Variants in MSANTD5 observed in about 807,000 individuals in gnomAD.
MSANTD5 encodes the protein uncharacterized protein MSANTD5.
At chr5:178,704,383 T>A in the MSANTD5 span, among the ~76,000 whole-genome samples, 1 of 151,754 alleles carries the variant, frequency 6.6e-6, no homozygotes, top group Admixed American at 6.6e-5. Context: ...CTTACAGGAG[T>A]CCAAAGAGAG....
chr5:178,700,750 TGAG>T (rs1316168757), upstream of MSANTD5, among the ~76,000 whole-genome samples: 4 of 152,188 alleles, frequency 2.6e-5, no homozygotes, highest in Non-Finnish European at 4.4e-5. Context: ...TTGGAGAGGC[TGAG>T]CCTGGAGAGG....
chr5:178,698,624 G>T (rs1436148546), upstream of MSANTD5, among the ~76,000 whole-genome samples: 1 of 152,066 alleles, frequency 6.6e-6, no homozygotes, highest in African/African-American at 2.4e-5. Flanking sequence ...CTGCTGCCCA[G>T]GCTGGGGTGC....
the MSANTD5 span, among the ~76,000 whole-genome samples, chr5:178,705,293 G>T: frequency 6.6e-6 from 1 of 151,884 alleles, no homozygotes; most frequent in Non-Finnish European, 1.5e-5. Context: ...TGATCTGCCC[G>T]CCTCGGTCTC....
chr5:178,696,101 G>A (rs1249510134), exon 2 of MSANTD5: 1 of 152,096 alleles, frequency 6.6e-6, no homozygotes, highest in East Asian at 1.9e-4. Context: ...CTGTACCTGA[G>A]GGCTTTTCTG....
intron 1 of MSANTD5, among the ~76,000 whole-genome samples, chr5:178,697,290 T>TA (rs5873631): frequency 0.13 from 19,583 of 146,692 alleles, 1,725 homozygotes; most frequent in African/African-American, 0.24. Flanking sequence ...CCGTCTCTAC[T>TA]AAAAATACAA....
upstream of MSANTD5, among the ~76,000 whole-genome samples, chr5:178,700,910 T>C (rs368578787): frequency 6.6e-5 from 10 of 152,302 alleles, no homozygotes; most frequent in East Asian, 1.2e-3. Flanking sequence ...TTAAAAGAAA[T>C]GGTTTTCACA....
At chr5:178,702,300 TC>T (rs377583821), upstream of MSANTD5, among the ~76,000 whole-genome samples, 3 of 149,806 alleles carry the variant, frequency 2.0e-5, no homozygotes, top group Admixed American at 2.0e-4. Flanking sequence ...TCTTTTTTTT[TC>T]TTTTTTTTTT....
chr5:178,692,489 G>A (rs1233778286), downstream of MSANTD5, among the ~76,000 whole-genome samples: 1 of 151,988 alleles, frequency 6.6e-6, no homozygotes, highest in Admixed American at 6.6e-5. Context: ...TGTATCTGGA[G>A]GATTATAACA....
rs533035151 is a variant in MSANTD5 at position 178,697,675 on chromosome 5, C to A, written c.-84G>T. On this transcript the variant is annotated 5_prime_UTR_variant, in exon 1 of 4. Transcript: ENST00000648368. ...TTCCTGAGTTGGCGGAACACTGGCA[C>A]TTACTCTCCTCTAGTGGAACCTAGG... 5.9e-5 allele frequency: 9 copies of A among 152,272 alleles called. No individual in the cohort carries two copies. In the East Asian group the frequency reaches 1.7e-3, roughly 30 times the overall value. The allele number at this position is 152,272 out of a possible 1,614,324, so 9.4% of individuals were successfully genotyped here. A position where few individuals can be genotyped will look rare whatever the true frequency, so the allele number is the denominator to read the frequency against.
At chr5:178,705,409 C>G in the MSANTD5 span, among the ~76,000 whole-genome samples, 1 of 152,120 alleles carries the variant, frequency 6.6e-6, no homozygotes, top group African/African-American at 2.4e-5. Flanking sequence ...GCTCTGTGAG[C>G]TCAGGCACAT....
At chr5:178,706,614 GAC>G in the MSANTD5 span, among the ~76,000 whole-genome samples, 708 of 151,998 alleles carry the variant, frequency 4.7e-3, 9 homozygotes, top group African/African-American at 0.017. Flanking sequence ...GAGCCATGTT[GAC>G]AGTTTCCTCT....
chr5:178,702,301 CTTTTTTTT>C (rs372575693), upstream of MSANTD5, among the ~76,000 whole-genome samples: 2 of 133,374 alleles, frequency 1.5e-5, no homozygotes, highest in African/African-American at 2.7e-5. Context: ...CTTTTTTTTT[CTTTTTTTT>C]TTTTTTTTTG....
chr5:178,693,331 T>C (rs1339611737), downstream of MSANTD5, among the ~76,000 whole-genome samples: 5 of 151,920 alleles, frequency 3.3e-5, no homozygotes, highest in African/African-American at 9.7e-5. Context: ...TAATAATGTG[T>C]CCGGAATTTA....
chr5:178,697,301 A>AC (rs1765426227), intron 1 of MSANTD5, among the ~76,000 whole-genome samples: 1 of 150,756 alleles, frequency 6.6e-6, no homozygotes, highest in Admixed American at 6.6e-5. Flanking sequence ...AAAAATACAA[A>AC]AAATTAGCCG....
At chr5:178,699,937 T>TCTAAGGGGGACCCTGCTTACCTTG (rs58269048), upstream of MSANTD5, among the ~76,000 whole-genome samples, 1 of 146,788 alleles carries the variant, frequency 6.8e-6, no homozygotes. Flanking sequence ...TTCTGTGGCT[T>TCTAAGGGGGACCCTGCTTACCTTG]TCCAGCACAG....
At chr5:178,693,182 G>A (rs963995132), downstream of MSANTD5, among the ~76,000 whole-genome samples, 6 of 151,896 alleles carry the variant, frequency 4.0e-5, no homozygotes, top group South Asian at 4.2e-4. Context: ...ACATGGTGGC[G>A]CACGCCTGTA....
downstream of MSANTD5, among the ~76,000 whole-genome samples, chr5:178,693,377 A>G (rs1205252831): frequency 1.3e-5 from 2 of 152,074 alleles, no homozygotes; most frequent in Non-Finnish European, 2.9e-5. Context: ...ACTGACTTCA[A>G]GAATGAAGCC....
At chr5:178,695,251 C>G (rs1277320153) in intron 3 of MSANTD5, 36 bp downstream of exon 3, 3 of 152,436 alleles carry the variant, frequency 2.0e-5, no homozygotes, top group Non-Finnish European at 4.4e-5. Context: ...CAATGGCACT[C>G]ACTAGACCAT....
At chr5:178,696,573 G>C (rs548239942) in intron 1 of MSANTD5, among the ~76,000 whole-genome samples, 2 of 152,262 alleles carry the variant, frequency 1.3e-5, no homozygotes, top group South Asian at 4.1e-4. Flanking sequence ...TATGAACCCA[G>C]TGGTTTTAGA....
Sources: allele counts gnomAD v4.1 joint callset (sites outside exome capture counted in the v4.1 genomes callset), GRCh38; gene constraint gnomAD v4.1.1; transcripts MANE v1.5; gene names NCBI Gene and HGNC (gene_info 2026-07-23, HGNC 2026-07-21).